Variants in EIF3H observed in about 807,000 individuals in gnomAD.
The protein encoded by EIF3H is eIF-3-gamma.
EIF3H carries 26 observed loss-of-function variants against 44.2 expected under a neutral mutation model. The ratio of observed to expected loss-of-function variants is 0.59; its 90% CI spans 0.43 to 0.82. EIF3H has a LOEUF of 0.82. Among genes scored for constraint, EIF3H ranks in the 40% least tolerant of loss-of-function variants. EIF3H has a pLI of 0.00. For missense variants in EIF3H, 359 were observed against 432.8 expected (o/e 0.83, Z 1.51); for synonymous variants, 166 against 151.9 (o/e 1.09, Z -0.68).
chr8:116,725,850 C>T (rs751134786), intron 2 of EIF3H, among the ~76,000 whole-genome samples, 166 bp downstream of exon 2: 3 of 152,066 alleles, frequency 2.0e-5, no homozygotes, highest in Non-Finnish European at 4.4e-5. Flanking sequence ...TAGTATAAAC[C>T]CTCATTTCCC....
intron 2 of EIF3H, among the ~76,000 whole-genome samples, chr8:116,685,544 T>A (rs1814062265): frequency 1.3e-5 from 2 of 152,176 alleles, no homozygotes; most frequent in South Asian, 2.1e-4. Flanking sequence ...TAGGCATTCA[T>A]CAAGACAGGA....
chr8:116,752,708 GAAAGAA>G (rs1815365456), intron 1 of EIF3H, among the ~76,000 whole-genome samples: 2 of 128,654 alleles, frequency 1.6e-5, no homozygotes, highest in Middle Eastern at 3.7e-3. Context: ...AAGAAAGAAA[GAAAGAA>G]AGAAAGAAAG....
At chr8:116,700,387 C>T (rs1402115279) in intron 2 of EIF3H, among the ~76,000 whole-genome samples, 1 of 152,102 alleles carries the variant, frequency 6.6e-6, no homozygotes, top group Non-Finnish European at 1.5e-5. Flanking sequence ...TTTCTTCAAA[C>T]ATTATAAGAT....
chr8:116,703,377 G>A (rs1446777196), intron 2 of EIF3H, among the ~76,000 whole-genome samples: 1 of 151,758 alleles, frequency 6.6e-6, no homozygotes, highest in Non-Finnish European at 1.5e-5. Flanking sequence ...TTCCCCGGGG[G>A]AGTTAGAGAA....
chr8:116,649,885 T>C (rs981186436), intron 5 of EIF3H, among the ~76,000 whole-genome samples: 5 of 152,188 alleles, frequency 3.3e-5, no homozygotes, highest in African/African-American at 1.2e-4. Context: ...AAGTGAAAGA[T>C]GAGTCAGCTA....
At chr8:116,650,205 C>A (rs981254926) in intron 5 of EIF3H, among the ~76,000 whole-genome samples, 14 of 152,020 alleles carry the variant, frequency 9.2e-5, no homozygotes, top group Non-Finnish European at 1.6e-4. Context: ...AGAGGAGAAA[C>A]CAGGAGGTTA....
chr8:116,763,313 T>G (rs1160937510), intron 1 of EIF3H, among the ~76,000 whole-genome samples: 1 of 152,192 alleles, frequency 6.6e-6, no homozygotes, highest in Non-Finnish European at 1.5e-5. Flanking sequence ...TATCAATATG[T>G]AAATATGGAA....
intron 2 of EIF3H, among the ~76,000 whole-genome samples, chr8:116,689,466 T>C (rs1814135934): frequency 6.6e-6 from 1 of 152,208 alleles, no homozygotes; most frequent in Non-Finnish European, 1.5e-5. Context: ...TCAATACAAG[T>C]GAGGGTAATG....
chr8:116,752,736 A>AAAGAAAGAAAGAAAGAAAGAAAGAAGG (rs1435243692), intron 1 of EIF3H, among the ~76,000 whole-genome samples: 5 of 87,070 alleles, frequency 5.7e-5, no homozygotes, highest in Non-Finnish European at 1.2e-4. Flanking sequence ...AAGAAAGAAG[A>AAAGAAAGAAAGAAAGAAAGAAAGAAGG]GAAAGAAAGA....
intron 2 of EIF3H, among the ~76,000 whole-genome samples, chr8:116,724,593 CAGGAAAA>C (rs1302510294): frequency 6.6e-6 from 1 of 151,326 alleles, no homozygotes; most frequent in Non-Finnish European, 1.5e-5. Context: ...TTCAACTCAA[CAGGAAAA>C]AAAAAGCCTC....
At chr8:116,652,926 G>C (rs983252147) in intron 5 of EIF3H, among the ~76,000 whole-genome samples, 15 of 152,166 alleles carry the variant, frequency 9.9e-5, no homozygotes, top group Admixed American at 7.9e-4. Context: ...GAAGCCCAAA[G>C]GGCTATACTA....
intron 2 of EIF3H, among the ~76,000 whole-genome samples, chr8:116,665,172 C>T (rs895727759): frequency 4.6e-5 from 7 of 152,160 alleles, no homozygotes; most frequent in African/African-American, 1.7e-4. Context: ...TGAAGCACAG[C>T]ACAAATACAA....
intron 6 of EIF3H, among the ~76,000 whole-genome samples, chr8:116,647,926 T>TAA (rs879661666): frequency 6.9e-6 from 1 of 145,636 alleles, no homozygotes; most frequent in African/African-American, 2.5e-5. Flanking sequence ...TCTTTTTAGT[T>TAA]AAAAAAAAAA....
chr8:116,708,484 T>G (rs537737016), intron 2 of EIF3H, among the ~76,000 whole-genome samples: 1 of 151,970 alleles, frequency 6.6e-6, no homozygotes, highest in Admixed American at 6.6e-5. Context: ...AGAAAATTAG[T>G]AAAAGTGCTG....
intron 2 of EIF3H, among the ~76,000 whole-genome samples, chr8:116,680,658 T>A (rs1281956672): frequency 7.7e-6 from 1 of 129,334 alleles, no homozygotes; most frequent in East Asian, 2.2e-4. Flanking sequence ...CACCACTCCC[T>A]AATCTTAAGT....
intron 2 of EIF3H, among the ~76,000 whole-genome samples, chr8:116,678,003 CCCACGGTCTCCTT>C (rs978881284): frequency 6.6e-6 from 1 of 152,208 alleles, no homozygotes; most frequent in African/African-American, 2.4e-5. Flanking sequence ...TCTCCCCCTT[CCCACGGTCTCCTT>C]CCACGGTCTC....
chr8:116,756,032 T>C (rs1815445219), upstream of EIF3H: 3 of 1,530,752 alleles, frequency 2.0e-6, no homozygotes, highest in Non-Finnish European at 1.8e-6. Flanking sequence ...AAGATGAAAG[T>C]AAACTTTTTA....
intron 2 of EIF3H, among the ~76,000 whole-genome samples, chr8:116,724,200 A>G (rs972771314): frequency 6.6e-6 from 1 of 152,210 alleles, no homozygotes; most frequent in African/African-American, 2.4e-5. Flanking sequence ...TGGGACCCTC[A>G]ATGGGAAAGG....
intron 1 of EIF3H, among the ~76,000 whole-genome samples, chr8:116,730,286 T>TCTC (rs1193907775): frequency 1.3e-5 from 2 of 152,174 alleles, no homozygotes; most frequent in Non-Finnish European, 2.9e-5. Context: ...CTAAGCTCTG[T>TCTC]CTCCTGTCAG....
Sources: gnomAD v4.1 joint callset for allele counts (sites outside exome capture counted in the v4.1 genomes callset) on GRCh38, gnomAD v4.1.1 for gene constraint, MANE v1.5 for transcripts, NCBI Gene and HGNC (gene_info 2026-07-23, HGNC 2026-07-21) for gene names.